KCTD8: variants seen among roughly 807,000 people sequenced by gnomAD.
KCTD8 encodes BTB/POZ domain-containing protein KCTD8.
Under a neutral mutation model 31.5 loss-of-function variants are expected in KCTD8, and 27 were observed. The ratio of observed to expected loss-of-function variants is 0.86; its 90% CI spans 0.63 to 1.18. The LOEUF (loss-of-function observed/expected upper bound fraction) is 1.18, where lower values mean the gene tolerates loss of function less well. Among genes scored for constraint, KCTD8 ranks in the 50% most tolerant of loss-of-function variants. The pLI is 0.00. For synonymous variants in KCTD8, 290 were observed against 280.0 expected (o/e 1.04, Z -0.36); for missense variants, 658 against 647.7 (o/e 1.02, Z -0.17).
chr4:44,299,452 C>T (rs568523987), intron 1 of KCTD8, among the ~76,000 whole-genome samples: 2 of 152,116 alleles, frequency 1.3e-5, no homozygotes, highest in East Asian at 1.9e-4. Flanking sequence ...GGGTGCCTGC[C>T]GGGCGCGGTG....
chr4:44,436,315 G>T (rs1374162225), intron 1 of KCTD8, among the ~76,000 whole-genome samples: 1 of 152,030 alleles, frequency 6.6e-6, no homozygotes, highest in Non-Finnish European at 1.5e-5. Context: ...CAGAACAGGG[G>T]ACATTAATCA....
intron 1 of KCTD8, among the ~76,000 whole-genome samples, chr4:44,351,875 C>A (rs954612290): frequency 3.9e-5 from 6 of 152,106 alleles, no homozygotes; most frequent in Admixed American, 3.3e-4. Flanking sequence ...CATTTTATTT[C>A]CAACTTATTC....
chr4:44,292,244 C>T (rs1717302330), intron 1 of KCTD8, among the ~76,000 whole-genome samples: 1 of 151,960 alleles, frequency 6.6e-6, no homozygotes, highest in Non-Finnish European at 1.5e-5. Context: ...CGACAGTGGA[C>T]TGCATAAAGA....
chr4:44,444,127 T>C (rs1026129645), intron 1 of KCTD8, among the ~76,000 whole-genome samples: 2 of 152,160 alleles, frequency 1.3e-5, no homozygotes, highest in African/African-American at 4.8e-5. Flanking sequence ...TAAAGTTTAA[T>C]AGCCTGTATA....
chr4:44,433,814 T>C (rs961731820), intron 1 of KCTD8, among the ~76,000 whole-genome samples: 2 of 151,616 alleles, frequency 1.3e-5, no homozygotes, highest in Admixed American at 1.3e-4. Flanking sequence ...TTCATTTGAT[T>C]ATACCACCTA....
At chr4:44,271,072 G>A (rs188282754) in intron 1 of KCTD8, among the ~76,000 whole-genome samples, 53 of 152,168 alleles carry the variant, frequency 3.5e-4, no homozygotes, top group African/African-American at 6.0e-4. Flanking sequence ...ACAAAGAGGC[G>A]TGAATTTAGG....
chr4:44,424,628 G>A (rs1452541659), intron 1 of KCTD8, among the ~76,000 whole-genome samples: 2 of 152,074 alleles, frequency 1.3e-5, no homozygotes, highest in Admixed American at 1.3e-4. Context: ...AATTGTTTCA[G>A]ACTTTAGCCC....
At chr4:44,212,635 T>TA (rs995877227) in intron 1 of KCTD8, among the ~76,000 whole-genome samples, 4 of 151,734 alleles carry the variant, frequency 2.6e-5, no homozygotes, top group Admixed American at 2.0e-4. Flanking sequence ...AACTTTAAAT[T>TA]AAAAAAAAAT....
At chr4:44,239,372 C>T (rs2109356365) in intron 1 of KCTD8, among the ~76,000 whole-genome samples, 1 of 152,200 alleles carries the variant, frequency 6.6e-6, no homozygotes, top group Non-Finnish European at 1.5e-5. Context: ...CAACCTCAGG[C>T]AAGATACTTA....
At chr4:44,396,525 C>T (rs931223386) in intron 1 of KCTD8, among the ~76,000 whole-genome samples, 1 of 151,696 alleles carries the variant, frequency 6.6e-6, no homozygotes, top group African/African-American at 2.4e-5. Context: ...AAAGTCAGGT[C>T]AGAAAACTTT....
At chr4:44,425,522 T>G (rs1423778423) in intron 1 of KCTD8, among the ~76,000 whole-genome samples, 4 of 152,046 alleles carry the variant, frequency 2.6e-5, no homozygotes, top group Non-Finnish European at 4.4e-5. Flanking sequence ...AGGCAGATGT[T>G]TAGTGTGTCT....
chr4:44,209,581 G>C (rs562464461), intron 1 of KCTD8, among the ~76,000 whole-genome samples: 177 of 151,718 alleles, frequency 1.2e-3, no homozygotes, highest in African/African-American at 3.9e-3. Context: ...TTGATTGATT[G>C]ATTGACTGAT....
rs575077440 is a variant in KCTD8 at position 44,427,296 on chromosome 4, G to A, written c.961+20267C>T. Among the ~76,000 whole-genome samples, 35 of 151,190 alleles carry A rather than the reference G, an allele frequency of 2.3e-4. 1 individual carries two copies. In the South Asian group the frequency reaches 3.1e-3, roughly 14 times the overall value. On this transcript the variant is annotated intron_variant, in intron 1 of 1. Transcript: ENST00000360029. The stretch of plus-strand genomic sequence containing the variant: ...TTACATATAATTCATATAAAATACC[G>A]AATTTCAGGGGAATCACAAAATTAT...
chr4:44,334,688 GA>G (rs1208522275), intron 1 of KCTD8, among the ~76,000 whole-genome samples: 2 of 151,784 alleles, frequency 1.3e-5, no homozygotes, highest in Non-Finnish European at 3.0e-5. Context: ...ACAACAAAAA[GA>G]AAAACCAAGG....
chr4:44,292,483 G>T (rs1012588363), intron 1 of KCTD8, among the ~76,000 whole-genome samples: 4 of 152,062 alleles, frequency 2.6e-5, no homozygotes, highest in African/African-American at 9.7e-5. Flanking sequence ...AAGTAGAGAG[G>T]GAGGAAGGCG....
chr4:44,306,340 T>C (rs1717805509), intron 1 of KCTD8, among the ~76,000 whole-genome samples: 1 of 152,050 alleles, frequency 6.6e-6, no homozygotes, highest in Non-Finnish European at 1.5e-5. Context: ...AGTATAATTA[T>C]ATCCTCACTT....
At chr4:44,402,930 C>A (rs1720701085) in intron 1 of KCTD8, among the ~76,000 whole-genome samples, 1 of 152,096 alleles carries the variant, frequency 6.6e-6, no homozygotes, top group Admixed American at 6.6e-5. Flanking sequence ...AAGGAATGAA[C>A]TAAAGATGAT....
At chr4:44,262,549 T>G (rs1716214222) in intron 1 of KCTD8, among the ~76,000 whole-genome samples, 1 of 152,156 alleles carries the variant, frequency 6.6e-6, no homozygotes, top group South Asian at 2.1e-4. Flanking sequence ...AAGCATTATA[T>G]TTATTTAAAA....
intron 1 of KCTD8, among the ~76,000 whole-genome samples, chr4:44,186,698 C>T (rs546476824): frequency 6.6e-6 from 1 of 152,196 alleles, no homozygotes; most frequent in African/African-American, 2.4e-5. Flanking sequence ...GTGAGTCACC[C>T]CCGCATCACA....
Sources: allele counts gnomAD v4.1 joint callset (sites outside exome capture counted in the v4.1 genomes callset), GRCh38; gene constraint gnomAD v4.1.1; transcripts MANE v1.5; gene names NCBI Gene and HGNC (gene_info 2026-07-23, HGNC 2026-07-21).